Variants in PAG1 observed in about 807,000 individuals in gnomAD.
PAG1 encodes phosphoprotein membrane anchor with glycosphingolipid microdomains 1.
PAG1 carries 23 observed loss-of-function variants against 31.7 expected under a neutral mutation model. That is an observed-to-expected ratio of 0.73 (90% CI 0.52 to 1.03). The LOEUF (loss-of-function observed/expected upper bound fraction) is 1.03, where lower values mean the gene tolerates loss of function less well. PAG1 is among the 50% of genes least tolerant of loss of function. PAG1 has a pLI of 0.00. For synonymous variants in PAG1, 214 were observed against 210.3 expected (o/e 1.02, Z -0.15); for missense variants, 473 against 540.7 (o/e 0.87, Z 1.24).
At chr8:81,023,926 C>T (rs1032383658) in intron 3 of PAG1, among the ~76,000 whole-genome samples, 1 of 152,192 alleles carries the variant, frequency 6.6e-6, no homozygotes, top group Non-Finnish European at 1.5e-5. Flanking sequence ...ATCGTCACAA[C>T]ATCAGTTGCT....
chr8:81,044,778 G>T (rs1208719513), intron 2 of PAG1, among the ~76,000 whole-genome samples: 3 of 152,088 alleles, frequency 2.0e-5, no homozygotes, highest in African/African-American at 7.2e-5. Context: ...GCTCTAGGAT[G>T]TTTCCTATGT....
chr8:81,085,885 T>C (rs1369147181), intron 1 of PAG1, among the ~76,000 whole-genome samples: 1 of 152,060 alleles, frequency 6.6e-6, no homozygotes, highest in Admixed American at 6.6e-5. Flanking sequence ...AGCATGCATT[T>C]TGGTCAATTA....
At chr8:81,033,216 TA>T (rs146378123) in intron 2 of PAG1, among the ~76,000 whole-genome samples, 11 of 151,406 alleles carry the variant, frequency 7.3e-5, no homozygotes, top group Admixed American at 2.6e-4. Flanking sequence ...AGATCAGTCT[TA>T]AAAAAAAATG....
At chr8:81,087,631 T>C (rs1322547415) in intron 1 of PAG1, among the ~76,000 whole-genome samples, 1 of 152,154 alleles carries the variant, frequency 6.6e-6, no homozygotes, top group Non-Finnish European at 1.5e-5. Context: ...TACTGTAATC[T>C]CAATAATAAC....
intron 3 of PAG1, among the ~76,000 whole-genome samples, chr8:81,026,911 A>G (rs1449058112): frequency 6.6e-6 from 1 of 152,162 alleles, no homozygotes; most frequent in African/African-American, 2.4e-5. Flanking sequence ...GACCAAAAAA[A>G]TGTACCAAAT....
intron 2 of PAG1, among the ~76,000 whole-genome samples, chr8:81,058,003 C>T (rs1475683944): frequency 1.3e-5 from 2 of 152,056 alleles, no homozygotes; most frequent in Non-Finnish European, 2.9e-5. Context: ...ACAGTAAATA[C>T]TGCCTTAAGG....
rs923310550 is a variant in PAG1, at chr8:80,970,450, T to G, written c.*6094A>C. The stretch of plus-strand genomic sequence containing the variant: ...TTCTTATAAAAAGGATTTCTTCCCC[T>G]TCACAACACTCAGCTTCCTTTTTCT... On this transcript the variant is annotated 3_prime_UTR_variant, in exon 9 of 9. Transcript: ENST00000220597. 5 of 152,708 alleles carry G rather than the reference T, an allele frequency of 3.3e-5. No individual in the cohort carries two copies. The highest frequency in any genetic ancestry group is 1.2e-4 in the African/African-American group (5 of 41,444). The allele number at this position is 152,708 out of a possible 1,614,324, so 9.5% of individuals were successfully genotyped here.
At chr8:81,036,036 T>C (rs564109867) in intron 2 of PAG1, among the ~76,000 whole-genome samples, 37 of 152,324 alleles carry the variant, frequency 2.4e-4, no homozygotes, top group African/African-American at 8.9e-4. Context: ...TCCTTTGCAA[T>C]TTAACTGGGG....
chr8:81,070,090 T>C (rs1477032064), intron 2 of PAG1, 22 bp downstream of exon 2: 1 of 152,170 alleles, frequency 6.6e-6, no homozygotes, highest in Non-Finnish European at 1.5e-5. Context: ...ATAAACCAGA[T>C]AAATAAATAC....
At chr8:81,106,718 G>A (rs761583900) in intron 1 of PAG1, among the ~76,000 whole-genome samples, 4 of 152,112 alleles carry the variant, frequency 2.6e-5, no homozygotes, top group Admixed American at 1.3e-4. Flanking sequence ...AATAGAGGGG[G>A]CAGGGCTCAG....
At chr8:80,982,218 C>T (rs191716383) in intron 7 of PAG1, among the ~76,000 whole-genome samples, 23 of 152,216 alleles carry the variant, frequency 1.5e-4, no homozygotes, top group Admixed American at 2.0e-4. Context: ...AAAAGTCAAC[C>T]GAACAATTTT....
intron 1 of PAG1, among the ~76,000 whole-genome samples, chr8:81,082,269 A>AAG (rs1809281279): frequency 6.6e-6 from 1 of 151,064 alleles, no homozygotes; most frequent in Non-Finnish European, 1.5e-5. Context: ...AAAAAAAAAA[A>AAG]AAAAGAAAAG....
At chr8:81,091,680 TAC>T (rs990835088) in intron 1 of PAG1, among the ~76,000 whole-genome samples, 24 of 152,154 alleles carry the variant, frequency 1.6e-4, no homozygotes, top group Admixed American at 1.3e-4. Flanking sequence ...TGGTATGTGG[TAC>T]ATGATTACAT....
chr8:81,055,671 A>G (rs1808807667), intron 2 of PAG1, among the ~76,000 whole-genome samples: 1 of 152,064 alleles, frequency 6.6e-6, no homozygotes, highest in Non-Finnish European at 1.5e-5. Context: ...GAGGTCCTTC[A>G]CATCCCTTGT....
intron 8 of PAG1, among the ~76,000 whole-genome samples, chr8:80,978,521 T>C (rs1807229843): frequency 6.6e-6 from 1 of 152,146 alleles, no homozygotes; most frequent in Admixed American, 6.5e-5. Context: ...GGAGGACAAA[T>C]GTACCTTGAC....
intron 2 of PAG1, among the ~76,000 whole-genome samples, chr8:81,065,030 T>TA (rs1213862649): frequency 9.9e-5 from 15 of 152,122 alleles, no homozygotes; most frequent in Non-Finnish European, 2.1e-4. Flanking sequence ...CTCCCAAACC[T>TA]CTGGCAAGGG....
intron 7 of PAG1, among the ~76,000 whole-genome samples, chr8:80,983,325 C>G (rs1043311001): frequency 6.6e-6 from 1 of 152,214 alleles, no homozygotes; most frequent in Non-Finnish European, 1.5e-5. Flanking sequence ...TACTCCCCAC[C>G]TGTTTTCTCA....
intron 1 of PAG1, among the ~76,000 whole-genome samples, chr8:81,077,572 A>G (rs1232738214): frequency 6.6e-6 from 1 of 152,212 alleles, no homozygotes; most frequent in Non-Finnish European, 1.5e-5. Context: ...TATCGAAAAA[A>G]CATTAATTTC....
chr8:80,981,862 C>CTTTTTTTTTT (rs57438015), intron 7 of PAG1, among the ~76,000 whole-genome samples: 8 of 103,426 alleles, frequency 7.7e-5, no homozygotes, highest in African/African-American at 3.5e-4. Context: ...ATCTCACTTC[C>CTTTTTTTTTT]TTTTTTTTTT....
Sources: gnomAD v4.1 joint callset for allele counts (sites outside exome capture counted in the v4.1 genomes callset) on GRCh38, gnomAD v4.1.1 for gene constraint, MANE v1.5 for transcripts, NCBI Gene and HGNC (gene_info 2026-07-23, HGNC 2026-07-21) for gene names.